Variants in MCM9 observed in about 807,000 individuals in gnomAD.
MCM9 encodes the protein minichromosome maintenance 9 homologous recombination repair factor.
MCM9 carries 55 observed loss-of-function variants against 72.8 expected under a neutral mutation model. That is an observed-to-expected ratio of 0.76 (90% CI 0.61 to 0.95). The LOEUF is 0.95. Among genes scored for constraint, MCM9 ranks in the 40% least tolerant of loss-of-function variants. The pLI, the probability that MCM9 is intolerant of heterozygous loss-of-function variation, is 0.00. For missense variants in MCM9, 1,279 were observed against 1,377.0 expected (o/e 0.93, Z 1.13); for synonymous variants, 480 against 503.4 (o/e 0.95, Z 0.62).
chr6:118,817,645 T>TA (rs1773498667), intron 13 of MCM9, among the ~76,000 whole-genome samples: 1 of 152,188 alleles, frequency 6.6e-6, no homozygotes, highest in Admixed American at 6.5e-5. Flanking sequence ...ATCCTTTGGG[T>TA]GTATACTCAG....
At chr6:118,921,835 C>T in intron 5 of MCM9, 170 bp downstream of exon 5, 3 of 552,536 alleles carry the variant, frequency 5.4e-6, no homozygotes, top group Non-Finnish European at 9.7e-6. Flanking sequence ...AGATCTAGCC[C>T]AGCTCTCTTC....
At chr6:118,848,386 A>G (rs1273326854) in intron 9 of MCM9, among the ~76,000 whole-genome samples, 1 of 151,884 alleles carries the variant, frequency 6.6e-6, no homozygotes, top group Non-Finnish European at 1.5e-5. Flanking sequence ...GCCCTAGAAT[A>G]GGGGTTGTCA....
intron 8 of MCM9, among the ~76,000 whole-genome samples, chr6:118,867,416 G>A (rs1424686300): frequency 6.6e-6 from 1 of 152,178 alleles, no homozygotes; most frequent in East Asian, 1.9e-4. Flanking sequence ...TCATATAAAA[G>A]TGTACAGTAA....
chr6:118,916,524 T>C (rs1232951279), intron 6 of MCM9, among the ~76,000 whole-genome samples: 1 of 151,086 alleles, frequency 6.6e-6, no homozygotes, highest in Non-Finnish European at 1.5e-5. Context: ...AGTGGCGCGA[T>C]CTTGGCTCAT....
At position 118,894,011 on chromosome 6, in the gene MCM9, C is replaced by T. The variant is rs1779158083; in HGVS notation, c.1150+17639G>A. ...GGCGGCCTCCGCGCGGGCCTCCCAG[C>T]CCTTATTCCACTCACTTTGTTCTCC... On this transcript the variant is annotated intron_variant, in intron 8 of 13. Transcript: ENST00000619706. The T allele has an allele frequency of 1.2e-5, 12 of 987,170 alleles. No individual in the cohort carries two copies. In the South Asian group the frequency reaches 5.0e-4, roughly 41 times the overall value. 61.2% of individuals were successfully genotyped at this position (987,170 alleles called of 1,614,324 possible). A position where few individuals can be genotyped will look rare whatever the true frequency, so the allele number is the denominator to read the frequency against.
At chr6:118,847,247 A>G (rs895503691) in intron 9 of MCM9, among the ~76,000 whole-genome samples, 3 of 151,726 alleles carry the variant, frequency 2.0e-5, no homozygotes, top group African/African-American at 7.3e-5. Context: ...ACGGGTAGAC[A>G]TGTTCATAAA....
intron 9 of MCM9, among the ~76,000 whole-genome samples, chr6:118,842,172 T>C (rs1429994904): frequency 6.6e-6 from 1 of 152,202 alleles, no homozygotes; most frequent in African/African-American, 2.4e-5. Context: ...ACTTCCTATC[T>C]AGGCATGTGA....
chr6:118,853,767 C>T (rs776688307), intron 9 of MCM9, among the ~76,000 whole-genome samples: 1 of 152,180 alleles, frequency 6.6e-6, no homozygotes, highest in African/African-American at 2.4e-5. Flanking sequence ...CCTCTGTACT[C>T]TAACTTGGGC....
intron 8 of MCM9, among the ~76,000 whole-genome samples, chr6:118,910,087 A>T (rs1780429380): frequency 6.9e-6 from 1 of 144,892 alleles, no homozygotes; most frequent in Non-Finnish European, 1.5e-5. Flanking sequence ...ACTGCACTCC[A>T]GCCTGGGCGA....
At chr6:118,825,848 C>A (rs894749846) in intron 13 of MCM9, among the ~76,000 whole-genome samples, 1 of 152,130 alleles carries the variant, frequency 6.6e-6, no homozygotes, top group Non-Finnish European at 1.5e-5. Flanking sequence ...TCAGCCAACA[C>A]AATGTGGAGC....
At chr6:118,892,077 A>C (rs1778982056) in intron 8 of MCM9, among the ~76,000 whole-genome samples, 1 of 152,224 alleles carries the variant, frequency 6.6e-6, no homozygotes, top group South Asian at 2.1e-4. Context: ...GTTAAATTAG[A>C]AATATGCCAG....
chr6:118,871,085 C>T (rs926018113), intron 8 of MCM9, among the ~76,000 whole-genome samples: 32 of 152,108 alleles, frequency 2.1e-4, no homozygotes, highest in African/African-American at 7.7e-4. Flanking sequence ...AAGAGAATTC[C>T]GAACTCATCT....
In MCM9 at chr6:118,815,740, A is replaced by G. The variant is rs1018807313; in HGVS notation, c.2516T>C (p.Val839Ala). 1 of 1,544,340 alleles carries G rather than the reference A, an allele frequency of 6.5e-7. No homozygotes were observed. The highest frequency in any genetic ancestry group is 8.7e-7 in the Non-Finnish European group (1 of 1,146,984). ...AAVSADKPDS[V>A]LTHHVPRNLQ... ...GTTCCTGGGGACATGATGAGTCAGT[A>G]CTGAGTCTGGTTTATCAGCAGAGAC... The change falls in exon 14 of 14, where the codon GTA becomes GCA. Residue 839 changes from valine (V) to alanine (A), a missense_variant. By Grantham distance (64) the Val-to-Ala change is moderately conservative. Coordinates refer to ENST00000619706, the MANE Select transcript of MCM9 (RefSeq NM_017696.3).
Position 118,878,740 on chromosome 6 carries a change from A to G in MCM9, c.1151-22195T>C, listed in dbSNP as rs564639036. Reference sequence around the variant, plus strand: ...AAGAAGGGTATTAAAATAATACATTAGAAAATATATATTTAATATATTTAA... The same window carrying G: ...AAGAAGGGTATTAAAATAATACATTGGAAAATATATATTTAATATATTTAA... On this transcript the variant is annotated intron_variant, in intron 8 of 13. Transcript: ENST00000619706. Among the ~76,000 whole-genome samples, 25 of 152,194 alleles carry G rather than the reference A, an allele frequency of 1.6e-4. No individual in the cohort carries two copies. In the East Asian group the frequency reaches 4.8e-3, roughly 29 times the overall value.
intron 8 of MCM9, among the ~76,000 whole-genome samples, chr6:118,903,500 G>T (rs1414579105): frequency 2.6e-5 from 4 of 151,846 alleles, no homozygotes; most frequent in African/African-American, 4.8e-5. Flanking sequence ...ATAGCATCTA[G>T]AAGAGAAGAC....
In MCM9 at chr6:118,890,382, A is replaced by T. The variant is rs192588321; in HGVS notation, c.1150+21268T>A. The stretch of plus-strand genomic sequence containing the variant: ...CATTTGTTATATGGGATGATATCTT[A>T]CCCTCCTGCCATTCCTGTTTGTGAG... On this transcript the variant is annotated intron_variant, in intron 8 of 13. Transcript: ENST00000619706. Among the ~76,000 whole-genome samples, 670 of 152,258 alleles carry T rather than the reference A, an allele frequency of 4.4e-3. 3 individuals are homozygous for T. The highest frequency in any genetic ancestry group is 0.016 in the African/African-American group (654 of 41,546).
At chr6:118,849,019 A>G (rs938121528) in intron 9 of MCM9, among the ~76,000 whole-genome samples, 1 of 151,946 alleles carries the variant, frequency 6.6e-6, no homozygotes, top group African/African-American at 2.4e-5. Flanking sequence ...GATTATACCA[A>G]TAAATGTAAG....
At chr6:118,927,187 T>C (rs186536432) in intron 3 of MCM9, among the ~76,000 whole-genome samples, 9 of 152,296 alleles carry the variant, frequency 5.9e-5, no homozygotes, top group Admixed American at 5.9e-4. Context: ...GTCAGTATAT[T>C]AAAACAAGAA....
intron 8 of MCM9, among the ~76,000 whole-genome samples, chr6:118,883,312 TA>T (rs1382232196): frequency 6.6e-6 from 1 of 151,516 alleles, no homozygotes; most frequent in African/African-American, 2.4e-5. Flanking sequence ...AAGGGCAAGA[TA>T]AAAAATGAGC....
Sources: allele counts gnomAD v4.1 joint callset (sites outside exome capture counted in the v4.1 genomes callset), GRCh38; gene constraint gnomAD v4.1.1; transcripts MANE v1.5; gene names NCBI Gene and HGNC (gene_info 2026-07-23, HGNC 2026-07-21).